VWA2: variants seen among roughly 807,000 people sequenced by gnomAD.
VWA2 encodes von Willebrand factor A domain containing 2.
In VWA2, 73 loss-of-function variants were observed where a neutral mutation model predicts 70.4. The observed-to-expected ratio is 1.04, with a 90% CI of 0.86 to 1.26. The LOEUF is 1.26. VWA2 is among the 50% of genes most tolerant of loss of function. VWA2 has a pLI of 0.00. For missense variants in VWA2, 1,011 were observed against 998.5 expected (o/e 1.01, Z -0.17); for synonymous variants, 407 against 423.3 (o/e 0.96, Z 0.47).
intron 1 of VWA2, among the ~76,000 whole-genome samples, chr10:114,248,359 G>A (rs1398939477): frequency 1.3e-5 from 2 of 152,152 alleles, no homozygotes; most frequent in East Asian, 1.9e-4. Flanking sequence ...CCAGGGTCAC[G>A]TGGCTAGTCA....
chr10:114,283,597 C>A (rs1165539384), intron 9 of VWA2, among the ~76,000 whole-genome samples: 1 of 152,212 alleles, frequency 6.6e-6, no homozygotes, highest in Non-Finnish European at 1.5e-5. Context: ...TTGCCTCTTA[C>A]CAATGATCTG....
chr10:114,265,396 T>C (rs1431915511), intron 5 of VWA2, among the ~76,000 whole-genome samples: 1 of 152,206 alleles, frequency 6.6e-6, no homozygotes, highest in Non-Finnish European at 1.5e-5. Flanking sequence ...TCACCTCTGC[T>C]CTTGTCTGAA....
At chr10:114,262,213 T>A (rs2037458600) in intron 5 of VWA2, among the ~76,000 whole-genome samples, 1 of 152,006 alleles carries the variant, frequency 6.6e-6, no homozygotes, top group South Asian at 2.1e-4. Context: ...ATATGTTTAC[T>A]TACATTATAA....
chr10:114,284,463 T>G (rs2038596847), intron 9 of VWA2, among the ~76,000 whole-genome samples: 1 of 152,190 alleles, frequency 6.6e-6, no homozygotes, highest in East Asian at 1.9e-4. Context: ...AAGGCTGGTG[T>G]GTTTTGCTGT....
Position 114,263,137 on chromosome 10 carries a change from TC to T in VWA2, c.371+1845del, listed in dbSNP as rs555754586. Among the ~76,000 whole-genome samples, 15 of 152,210 alleles carry T rather than the reference TC, an allele frequency of 9.9e-5. 1 individual carries two copies. The highest frequency in any genetic ancestry group is 9.8e-4 in the Admixed American group (15 of 15,280). ...CTCAAGCCATCCTCCCACCTCAGCC[TC>T]CCAAGTAGCTGGGACTGCAGGCATG... On this transcript the variant is annotated intron_variant, in intron 5 of 13. Transcript: ENST00000392982.
chr10:114,261,469 A>G (rs1355854601), intron 5 of VWA2, among the ~76,000 whole-genome samples, 174 bp downstream of exon 5: 1 of 152,130 alleles, frequency 6.6e-6, no homozygotes, highest in Non-Finnish European at 1.5e-5. Flanking sequence ...GCCCCTCCTT[A>G]TTGCATGATA....
intron 1 of VWA2, among the ~76,000 whole-genome samples, chr10:114,244,652 G>A (rs2133278464): frequency 6.6e-6 from 1 of 152,334 alleles, no homozygotes; most frequent in South Asian, 2.1e-4. Context: ...AGCTTTCCAG[G>A]TGTAGGGCTG....
At chr10:114,266,040 G>A (rs188470706) in intron 5 of VWA2, among the ~76,000 whole-genome samples, 10 of 152,306 alleles carry the variant, frequency 6.6e-5, no homozygotes, top group African/African-American at 1.2e-4. Flanking sequence ...GCTCACGTCT[G>A]TAATCCCAGC....
rs1275353357 is a variant in VWA2, at chr10:114,293,626, ATTAC to A, written c.*2393_*2396del. Among the ~76,000 whole-genome samples, 1 of 152,204 alleles carries A rather than the reference ATTAC, an allele frequency of 6.6e-6. No homozygotes were observed. The highest frequency in any genetic ancestry group is 1.5e-5 in the Non-Finnish European group (1 of 68,032). On this transcript the variant is annotated 3_prime_UTR_variant, in exon 14 of 14. Transcript: ENST00000392982. ...AAATTAGCTTTAATTTTTACCTTTAATTACTTATTCAAATAAGACAGAAATATAT... is the reference window on the plus strand; with the variant it reads ...AAATTAGCTTTAATTTTTACCTTTAATTATTCAAATAAGACAGAAATATAT...
chr10:114,276,410 T>G (rs1589763428), intron 6 of VWA2, among the ~76,000 whole-genome samples: 3 of 152,226 alleles, frequency 2.0e-5, no homozygotes, highest in Non-Finnish European at 4.4e-5. Context: ...CTTCAGTGAC[T>G]CTGATGCCCA....
At chr10:114,247,689 A>G (rs922464496) in intron 1 of VWA2, among the ~76,000 whole-genome samples, 1 of 151,852 alleles carries the variant, frequency 6.6e-6, no homozygotes, top group Non-Finnish European at 1.5e-5. Context: ...ACGGAGCTGG[A>G]TGTATCTTGA....
At chr10:114,290,808 C>T (rs1163698012) in intron 13 of VWA2, among the ~76,000 whole-genome samples, 2 of 151,996 alleles carry the variant, frequency 1.3e-5, no homozygotes, top group African/African-American at 4.8e-5. Context: ...GCTATTTGCT[C>T]AGTAAAATGG....
intron 1 of VWA2, chr10:114,246,575 A>G: frequency 8.2e-7 from 1 of 1,212,200 alleles, no homozygotes; most frequent in Non-Finnish European, 1.2e-6. Flanking sequence ...AGAGGGACCC[A>G]GGACCTCATT....
Position 114,248,740 on chromosome 10 carries a change from C to A in VWA2, c.27C>A (p.Ala9=), listed in dbSNP as rs141979531. MPPFLLLE[A]VCVFLFSRVP... The stretch of plus-strand genomic sequence containing the variant: ...TGCCCCCTTTCCTGTTGCTGGAAGC[C>A]GTCTGTGTTTTCCTGTTTTCCAGAG... The change falls in exon 2 of 14, where the codon GCC becomes GCA. Residue 9 remains alanine, a synonymous_variant. Transcript: ENST00000392982. 5 of 1,613,470 alleles carry A rather than the reference C, an allele frequency of 3.1e-6. No individual in the cohort carries two copies. In the East Asian group the frequency reaches 1.1e-4, roughly 36 times the overall value.
chr10:114,280,879 C>G (rs1010607891), intron 8 of VWA2: 1 of 152,118 alleles, frequency 6.6e-6, no homozygotes, highest in Admixed American at 6.5e-5. Context: ...GTTGGGACTA[C>G]AGACACGCAC....
chr10:114,262,065 G>A (rs561479175), intron 5 of VWA2, among the ~76,000 whole-genome samples: 4 of 152,214 alleles, frequency 2.6e-5, no homozygotes, highest in African/African-American at 7.2e-5. Flanking sequence ...ATGGTGCTAC[G>A]CCATTCAGGA....
At chr10:114,265,040 G>A (rs140638402) in intron 5 of VWA2, among the ~76,000 whole-genome samples, 575 of 152,330 alleles carry the variant, frequency 3.8e-3, no homozygotes, top group Non-Finnish European at 5.9e-3. Flanking sequence ...TTTTTGTGAA[G>A]TGTCTAGAAT....
chr10:114,247,463 A>G (rs922495432), intron 1 of VWA2, among the ~76,000 whole-genome samples: 9 of 152,078 alleles, frequency 5.9e-5, no homozygotes, highest in Non-Finnish European at 1.3e-4. Context: ...ATGTCTGGCT[A>G]ATTTTTTGTA....
intron 1 of VWA2, among the ~76,000 whole-genome samples, chr10:114,242,905 CTG>C (rs1466378904): frequency 6.6e-6 from 1 of 152,186 alleles, no homozygotes; most frequent in Non-Finnish European, 1.5e-5. Context: ...CTTTACAACA[CTG>C]GGGGAGTTTA....
Sources: allele counts gnomAD v4.1 joint callset (sites outside exome capture counted in the v4.1 genomes callset), GRCh38; gene constraint gnomAD v4.1.1; transcripts MANE v1.5; gene names NCBI Gene and HGNC (gene_info 2026-07-23, HGNC 2026-07-21).